The following JAG1 variants were observed in gnomAD, a reference collection of about 807,000 sequenced individuals.
JAG1 encodes the protein jagged canonical Notch ligand 1.
JAG1 carries 23 observed loss-of-function variants against 148.7 expected under a neutral mutation model. The observed-to-expected ratio is 0.15, with a 90% confidence interval of 0.11 to 0.22. The LOEUF (loss-of-function observed/expected upper bound fraction) is 0.22, where lower values mean the gene tolerates loss of function less well. Ranked by LOEUF, JAG1 falls within the 10% of genes least tolerant of loss-of-function variation. The pLI, the probability that JAG1 is intolerant of heterozygous loss-of-function variation, is 1.00. For missense variants in JAG1, 1,054 were observed against 1,611.2 expected (o/e 0.65, Z 5.92); for synonymous variants, 572 against 598.3 (o/e 0.96, Z 0.64).
chr20:10,666,890 G>A (rs2067457733), intron 2 of JAG1, among the ~76,000 whole-genome samples: 1 of 152,234 alleles, frequency 6.6e-6, no homozygotes, highest in Non-Finnish European at 1.5e-5. Context: ...GGGCCACCAG[G>A]TTCCCAGCAA....
In JAG1 at chr20:10,645,980, A is replaced by G; in HGVS notation, c.1990T>C (p.Cys664Arg). The G allele has an allele frequency of 6.2e-7, 1 of 1,609,544 alleles. No individual in the cohort carries two copies. The highest frequency in any genetic ancestry group is 8.5e-7 in the Non-Finnish European group (1 of 1,175,856). ...ICSDGWEGAY[C>R]ETNINDCSQN... is the part of the protein sequence containing the mutation. ...AGAGTGGCAGACTCACTGGTTTCAC[A>G]GTAGGCCCCCTCCCAGCCGTCACTA... Residue 664 changes from cysteine to arginine, a missense_variant, in exon 15 of 26, where the codon TGT (cysteine) becomes CGT (arginine). By Grantham distance (180) the Cys-to-Arg change is radical. This residue lies in a region of JAG1 where 35 missense variants were observed against 99.7 expected (regional missense o/e 0.35). Coordinates refer to ENST00000254958, the MANE Select transcript of JAG1 (RefSeq NM_000214.3). This position sits in a 1 kb window ranked among gnomAD's most constrained non-coding sequence, Gnocchi z 6.1.
intron 8 of JAG1, 23 bp from the exon 9 acceptor site, chr20:10,650,383 G>T: frequency 7.4e-7 from 1 of 1,359,530 alleles, no homozygotes; most frequent in Non-Finnish European, 1.1e-6. Context: ...AAAAGGAGGG[G>T]GTTGACAATT....
In JAG1 at chr20:10,637,730, G is replaced by GT. The variant is rs2067242458; in HGVS notation, c.*1767dup. On this transcript the variant is annotated 3_prime_UTR_variant, in exon 26 of 26. Transcript: ENST00000254958. Reference sequence around the variant, plus strand: ...TATTCAAGCAGTATTCACACTTGCTGTTGAATAACAAGGGAATCAAGGCTC... The same window carrying GT: ...TATTCAAGCAGTATTCACACTTGCTGTTTGAATAACAAGGGAATCAAGGCTC... 1 of 152,676 alleles carries GT rather than the reference G, an allele frequency of 6.5e-6. No homozygotes were observed. The highest frequency in any genetic ancestry group is 2.1e-4 in the South Asian group (1 of 4,834). The allele number at this position is 152,676 out of a possible 1,614,324, so 9.5% of individuals were successfully genotyped here. A position where few individuals can be genotyped will look rare whatever the true frequency, so the allele number is the denominator to read the frequency against.
intron 5 of JAG1, among the ~76,000 whole-genome samples, chr20:10,654,204 G>A (rs539166196): frequency 6.6e-6 from 1 of 152,080 alleles, no homozygotes; most frequent in Non-Finnish European, 1.5e-5. Flanking sequence ...GCCTCATAAA[G>A]GCAAGGAGAG....
At chr20:10,669,777 C>T (rs1389123667) in intron 2 of JAG1, among the ~76,000 whole-genome samples, 2 of 151,996 alleles carry the variant, frequency 1.3e-5, no homozygotes, top group Non-Finnish European at 2.9e-5. Flanking sequence ...GTGGTAATTA[C>T]ACTAATGTAT....
chr20:10,640,185 T>A (rs2067260644), intron 25 of JAG1, among the ~76,000 whole-genome samples: 1 of 152,234 alleles, frequency 6.6e-6, no homozygotes, highest in African/African-American at 2.4e-5. Flanking sequence ...AGAGACTGGG[T>A]GGAGCGGCAG....
intron 10 of JAG1, 75 bp downstream of exon 10, chr20:10,649,447 C>CT (rs2067331459): frequency 2.2e-6 from 2 of 902,738 alleles, no homozygotes; most frequent in African/African-American, 3.3e-5. Context: ...AGTCCTAGGA[C>CT]TGGAGCCCCA....
chr20:10,647,244 C>G, intron 13 of JAG1, 141 bp from the exon 14 acceptor site: 1 of 890,130 alleles, frequency 1.1e-6, no homozygotes, highest in Admixed American at 2.0e-5. Context: ...AGCCAAGATA[C>G]TGGCAACGTG....
chr20:10,672,761 G>C lies in JAG1; in HGVS notation c.327C>G (p.Leu109=). 1 of 1,613,120 alleles carries C rather than the reference G, an allele frequency of 6.2e-7. No individual in the cohort carries two copies. The highest frequency in any genetic ancestry group is 1.3e-5 in the African/African-American group (1 of 75,072). The change falls in exon 2 of 26, where the codon CTC becomes CTG. Residue 109 remains leucine, a synonymous_variant. Transcript: ENST00000254958. ...TPVIGGNTFN[L]KASRGNDRNR... is the part of the protein sequence containing the mutation. Reference sequence around the variant, plus strand: ...TGCGGTCGTTGCCGCGGCTGGCCTTGAGGTTGAAGGTGTTGCCCCCGATGA... The same window carrying C: ...TGCGGTCGTTGCCGCGGCTGGCCTTCAGGTTGAAGGTGTTGCCCCCGATGA...
intron 3 of JAG1, chr20:10,662,238 C>T (rs930191731): frequency 6.6e-6 from 1 of 151,960 alleles, no homozygotes; most frequent in Non-Finnish European, 1.5e-5. Context: ...GATTTGATTA[C>T]CCCCCCAGGA....
intron 5 of JAG1, among the ~76,000 whole-genome samples, chr20:10,653,931 T>C (rs1452327881): frequency 3.3e-5 from 5 of 152,206 alleles, no homozygotes; most frequent in African/African-American, 7.2e-5. Context: ...GGTTTAAAGT[T>C]AGACACTGGA....
chr20:10,665,760 A>T (rs945907556), intron 2 of JAG1, among the ~76,000 whole-genome samples: 5 of 152,168 alleles, frequency 3.3e-5, no homozygotes, highest in Non-Finnish European at 7.3e-5. Context: ...ACAGACTTGC[A>T]CAAGCGCTAA....
rs147400796 is a variant in JAG1 at position 10,673,823 on chromosome 20, CCTT to C, written c.-296_-294del. ...GCTTTCTTTCCTTCTCTCGCGCTCC[CCTT>C]CTTTTATTATTATGATTATGCGCAG... On this transcript the variant is annotated 5_prime_UTR_variant, in exon 1 of 26. Coordinates refer to ENST00000254958, the MANE Select transcript of JAG1 (RefSeq NM_000214.3). The surrounding 1 kb of genome is among the most constrained non-coding windows in gnomAD (Gnocchi z 4.7). 3.2e-3 allele frequency: 654 copies of C among 201,666 alleles called. 3 individuals are homozygous for C. Among genetic ancestry groups the C allele is most frequent in the African/African-American group, 0.014 (588 of 42,918 alleles). The allele number at this position is 201,666 out of a possible 1,614,324, so 12.5% of individuals were successfully genotyped here. A position where few individuals can be genotyped will look rare whatever the true frequency, so the allele number is the denominator to read the frequency against.
chr20:10,655,645 G>A (rs929426697), intron 5 of JAG1, among the ~76,000 whole-genome samples: 1 of 152,160 alleles, frequency 6.6e-6, no homozygotes, highest in African/African-American at 2.4e-5. Context: ...TCCATTTAGC[G>A]TTACTCCTTA....
At chr20:10,661,307 C>T (rs2067415619) in intron 3 of JAG1, among the ~76,000 whole-genome samples, 1 of 152,116 alleles carries the variant, frequency 6.6e-6, no homozygotes, top group Non-Finnish European at 1.5e-5. Flanking sequence ...CATCTGAAGC[C>T]AGAATGTTTA....
chr20:10,640,091 T>A (rs1441913684), intron 25 of JAG1, 136 bp from the exon 26 acceptor site: 18 of 736,292 alleles, frequency 2.4e-5, no homozygotes, highest in Non-Finnish European at 4.3e-5. Flanking sequence ...AAGTCCCTTT[T>A]CATCATTGCA....
At chr20:10,672,534 T>A (rs1003368294) in intron 2 of JAG1, among the ~76,000 whole-genome samples, 167 bp downstream of exon 2, 5 of 152,002 alleles carry the variant, frequency 3.3e-5, no homozygotes, top group Non-Finnish European at 7.4e-5. Context: ...CCAGCCGAGA[T>A]CTAACTATAG....
At chr20:10,642,377 TGTGTG>T in intron 21 of JAG1, 106 bp downstream of exon 21, 1 of 679,766 alleles carries the variant, frequency 1.5e-6, no homozygotes, top group Admixed American at 2.2e-5. Flanking sequence ...GTAGTCCCAC[TGTGTG>T]TTCCCTTCCC....
intron 3 of JAG1, among the ~76,000 whole-genome samples, chr20:10,661,138 C>G (rs1171972220): frequency 6.6e-6 from 1 of 152,120 alleles, no homozygotes; most frequent in Non-Finnish European, 1.5e-5. Flanking sequence ...TAATAAAAGA[C>G]TTTGGAGGAC....
Sources: gnomAD v4.1 joint callset for allele counts (sites outside exome capture counted in the v4.1 genomes callset) on GRCh38, gnomAD v4.1.1 for gene constraint, gnomAD v4.1.1 regional missense constraint, Gnocchi (gnomAD v3.1) non-coding constraint, MANE v1.5 for transcripts, NCBI Gene and HGNC (gene_info 2026-07-23, HGNC 2026-07-21) for gene names.